The following ACSL1 variants were observed in gnomAD, a reference collection of about 807,000 sequenced individuals.
ACSL1 encodes the protein acyl-CoA synthetase long chain family member 1.
ACSL1 carries 41 observed loss-of-function variants against 98.4 expected under a neutral mutation model. The ratio of observed to expected loss-of-function variants is 0.42; its 90% CI spans 0.32 to 0.54. The LOEUF (loss-of-function observed/expected upper bound fraction) is 0.54. Ranked by LOEUF, ACSL1 falls within the 20% of genes least tolerant of loss-of-function variation. ACSL1 has a pLI of 0.13. For synonymous variants in ACSL1, 316 were observed against 322.7 expected (o/e 0.98, Z 0.22); for missense variants, 734 against 883.1 (o/e 0.83, Z 2.14).
chr4:184,789,075 G>A (rs1474264806), intron 2 of ACSL1, among the ~76,000 whole-genome samples: 1 of 152,170 alleles, frequency 6.6e-6, no homozygotes, highest in African/African-American at 2.4e-5. Context: ...TGTGGTATCC[G>A]CACCCCTCTA....
Position 184,809,047 on chromosome 4 carries a change from G to A in ACSL1, c.-32-5501C>T, listed in dbSNP as rs370226294. Among the ~76,000 whole-genome samples, 5 of 152,232 alleles carry A rather than the reference G, an allele frequency of 3.3e-5. No homozygotes were observed. The East Asian group carries it at 7.7e-4, about 23-fold the overall frequency. On this transcript the variant is annotated intron_variant, in intron 1 of 20. Coordinates refer to ENST00000281455, the MANE Select transcript of ACSL1 (RefSeq NM_001995.5). ...CTTGTGGCTTTTTCTTCCCAATTAA[G>A]TATAATAAATCTTAAACCCACTTAA...
chr4:184,761,281 G>A (rs564834080), intron 17 of ACSL1, among the ~76,000 whole-genome samples: 1 of 152,340 alleles, frequency 6.6e-6, no homozygotes, highest in South Asian at 2.1e-4. Context: ...TGAACCGGAA[G>A]AGGGGGACTT....
chr4:184,779,254 C>T (rs963791491), intron 5 of ACSL1, among the ~76,000 whole-genome samples: 10 of 152,152 alleles, frequency 6.6e-5, no homozygotes, highest in Non-Finnish European at 1.3e-4. Context: ...CTTTCCCATG[C>T]TATTTTTGTG....
chr4:184,778,389 C>A (rs1441104174), intron 5 of ACSL1, among the ~76,000 whole-genome samples: 1 of 152,222 alleles, frequency 6.6e-6, no homozygotes, highest in East Asian at 1.9e-4. Context: ...CAGGTCCCAG[C>A]TCCTTAGGCA....
chr4:184,824,372 C>G (rs886237384), intron 1 of ACSL1, among the ~76,000 whole-genome samples: 1 of 151,848 alleles, frequency 6.6e-6, no homozygotes, highest in Non-Finnish European at 1.5e-5. Flanking sequence ...AATGATCTGC[C>G]CGCCTCGGTC....
At chr4:184,795,327 C>T (rs769992799) in intron 2 of ACSL1, among the ~76,000 whole-genome samples, 7 of 152,320 alleles carry the variant, frequency 4.6e-5, no homozygotes, top group Non-Finnish European at 4.4e-5. Flanking sequence ...TATTACAGCA[C>T]GCATTTCCGT....
At chr4:184,791,037 T>C (rs561393973) in intron 2 of ACSL1, among the ~76,000 whole-genome samples, 2 of 152,270 alleles carry the variant, frequency 1.3e-5, no homozygotes, top group African/African-American at 4.8e-5. Flanking sequence ...CCAAGTATGA[T>C]GGTGAAGTGT....
At chr4:184,785,899 C>A (rs1421681723) in intron 3 of ACSL1, among the ~76,000 whole-genome samples, 1 of 152,214 alleles carries the variant, frequency 6.6e-6, no homozygotes. Context: ...GTTCTCCTCA[C>A]ATCTATGTGG....
At chr4:184,763,752 G>A (rs958005082) in intron 15 of ACSL1, among the ~76,000 whole-genome samples, 1 of 152,176 alleles carries the variant, frequency 6.6e-6, no homozygotes, top group Non-Finnish European at 1.5e-5. Flanking sequence ...TTACTAAGAC[G>A]GGACAGTGCT....
intron 1 of ACSL1, chr4:184,808,334 C>G (rs147275078): frequency 2.0e-6 from 2 of 985,240 alleles, no homozygotes; most frequent in South Asian, 9.4e-5. Context: ...AACCAAAAAC[C>G]GGGTGGTCTG....
intron 1 of ACSL1, among the ~76,000 whole-genome samples, chr4:184,809,580 C>T (rs1771821751): frequency 6.6e-6 from 1 of 151,996 alleles, no homozygotes; most frequent in South Asian, 2.1e-4. Flanking sequence ...ATCACGAGGT[C>T]AGGAGATCAA....
chr4:184,798,398 G>A (rs1478937562), intron 2 of ACSL1: 3 of 152,316 alleles, frequency 2.0e-5, no homozygotes, highest in Non-Finnish European at 2.9e-5. Flanking sequence ...TGTAGTAGTT[G>A]TCAAAAATCT....
chr4:184,776,804 A>AAT, intron 6 of ACSL1, 80 bp downstream of exon 6: 2 of 1,533,696 alleles, frequency 1.3e-6, no homozygotes, highest in Non-Finnish European at 8.9e-7. Context: ...ATCTTTGTCA[A>AAT]ATCAAATGTA....
chr4:184,778,164 G>A (rs1485935029), intron 5 of ACSL1, among the ~76,000 whole-genome samples: 1 of 152,212 alleles, frequency 6.6e-6, no homozygotes, highest in Non-Finnish European at 1.5e-5. Flanking sequence ...GGACAAAGGT[G>A]AAAGATCACT....
chr4:184,776,903 G>A lies in ACSL1; in HGVS notation c.558C>T (p.Ile186=). 6.2e-7 allele frequency: 1 copy of A among 1,614,158 alleles called. No individual in the cohort carries two copies. The highest frequency in any genetic ancestry group is 8.5e-7 in the Non-Finnish European group (1 of 1,180,016). Residue 186 remains isoleucine (I), a synonymous_variant, in exon 6 of 21, where the codon ATC becomes ATT. Coordinates refer to ENST00000281455, the MANE Select transcript of ACSL1 (RefSeq NM_001995.5). ...PLYDTLGNEA[I]TYIVNKAELS... ...ACGTACCTTTGTTGACTATGTACGT[G>A]ATGGCTTCATTTCCAAGGGTATCAT...
At chr4:184,792,783 G>A (rs1768626016) in intron 2 of ACSL1, among the ~76,000 whole-genome samples, 2 of 152,004 alleles carry the variant, frequency 1.3e-5, no homozygotes, top group African/African-American at 2.4e-5. Context: ...TTAAAAAAGG[G>A]TGTTAGCAAC....
chr4:184,783,110 A>G (rs960318953), intron 4 of ACSL1, among the ~76,000 whole-genome samples: 1 of 152,210 alleles, frequency 6.6e-6, no homozygotes, highest in Non-Finnish European at 1.5e-5. Flanking sequence ...TGTCTGGAGC[A>G]CGTGCCTGTT....
chr4:184,795,613 C>T (rs1769220829), intron 2 of ACSL1, among the ~76,000 whole-genome samples: 1 of 152,190 alleles, frequency 6.6e-6, no homozygotes, highest in Admixed American at 6.5e-5. Flanking sequence ...ACTCTGCCTT[C>T]AGTTCTCACC....
At chr4:184,817,427 A>G (rs1360302610) in intron 1 of ACSL1, among the ~76,000 whole-genome samples, 2 of 152,192 alleles carry the variant, frequency 1.3e-5, no homozygotes, top group Non-Finnish European at 2.9e-5. Flanking sequence ...TAGAAGTTCT[A>G]ATGTTTCTAT....
Sources: gnomAD v4.1 joint callset for allele counts (sites outside exome capture counted in the v4.1 genomes callset) on GRCh38, gnomAD v4.1.1 for gene constraint, MANE v1.5 for transcripts, NCBI Gene and HGNC (gene_info 2026-07-23, HGNC 2026-07-21) for gene names.